Variants in FBXO47 observed in about 807,000 individuals in gnomAD.
FBXO47 encodes the protein F-box only protein 47.
In FBXO47, 34 loss-of-function variants were observed where a neutral mutation model predicts 53.9. The observed-to-expected ratio is 0.63, with a 90% CI of 0.48 to 0.84. The LOEUF (loss-of-function observed/expected upper bound fraction) is 0.84. Ranked by LOEUF, FBXO47 falls within the 40% of genes least tolerant of loss-of-function variation. The pLI, the probability that FBXO47 is intolerant of heterozygous loss-of-function variation, is 0.00. For synonymous variants in FBXO47, 165 were observed against 181.6 expected (o/e 0.91, Z 0.73); for missense variants, 485 against 541.3 (o/e 0.90, Z 1.03).
chr17:38,946,299 T>TATATATAAATATATAAATATATATAA (rs1567716490), intron 6 of FBXO47, among the ~76,000 whole-genome samples: 1 of 50,128 alleles, frequency 2.0e-5, no homozygotes, highest in Non-Finnish European at 3.9e-5. Flanking sequence ...TATATAAAAA[T>TATATATAAATATATAAATATATATAA]ATATATAAAT....
chr17:38,966,793 A>C (rs1419848330), intron 1 of FBXO47, among the ~76,000 whole-genome samples: 2 of 152,172 alleles, frequency 1.3e-5, no homozygotes, highest in Non-Finnish European at 2.9e-5. Flanking sequence ...GGAAAAAGCA[A>C]GCTTTTGTGA....
chr17:38,945,948 A>AATAT (rs1555560609), intron 6 of FBXO47, among the ~76,000 whole-genome samples: 19 of 117,144 alleles, frequency 1.6e-4, no homozygotes, highest in East Asian at 2.5e-4. Flanking sequence ...AAAAAAAAAA[A>AATAT]ATATATATAT....
chr17:38,965,143 C>G (rs1005082069), intron 1 of FBXO47, among the ~76,000 whole-genome samples: 4 of 152,224 alleles, frequency 2.6e-5, no homozygotes, highest in African/African-American at 9.6e-5. Flanking sequence ...AGCCACCACG[C>G]CCGCCCATTA....
At chr17:38,957,145 G>A (rs987166448) in intron 4 of FBXO47, 32 bp downstream of exon 4, 2 of 1,353,992 alleles carry the variant, frequency 1.5e-6, no homozygotes, top group African/African-American at 2.9e-5. Flanking sequence ...TGGAAATCAA[G>A]ATTGTAAACT....
chr17:38,955,826 C>T (rs755346001), intron 4 of FBXO47, among the ~76,000 whole-genome samples: 3 of 151,826 alleles, frequency 2.0e-5, no homozygotes, highest in Middle Eastern at 3.4e-3. Flanking sequence ...GGCGTGGTGG[C>T]GCACGCCTGT....
intron 6 of FBXO47, among the ~76,000 whole-genome samples, chr17:38,950,253 T>C (rs1207631770): frequency 6.6e-6 from 1 of 152,046 alleles, no homozygotes; most frequent in African/African-American, 2.4e-5. Context: ...AGGTATCTCA[T>C]GTAAGTAGAA....
Position 38,962,834 on chromosome 17 carries a change from C to T in FBXO47, c.181+11G>A. The T allele has an allele frequency of 2.5e-6, 4 of 1,600,484 alleles. No individual in the cohort carries two copies. Among genetic ancestry groups the T allele is most frequent in the Non-Finnish European group, 3.4e-6 (4 of 1,171,384 alleles). ...TCTTGTGTAGGCTATTCATAAGTTC[C>T]CAAACCTCACCTGACAAATATTTTA... On this transcript the variant is annotated intron_variant, in intron 2 of 10. Transcript: ENST00000378079.
chr17:38,945,900 C>CA (rs1460546949), intron 6 of FBXO47, among the ~76,000 whole-genome samples: 1 of 137,760 alleles, frequency 7.3e-6, no homozygotes, highest in African/African-American at 2.8e-5. Flanking sequence ...CGTGCCACTG[C>CA]ACTCCAGCCT....
chr17:38,945,641 A>C (rs1407634496), intron 6 of FBXO47, among the ~76,000 whole-genome samples: 4 of 151,982 alleles, frequency 2.6e-5, no homozygotes, highest in Admixed American at 2.6e-4. Flanking sequence ...TCTACTAAAA[A>C]TACAAAAAAA....
In FBXO47 at chr17:38,955,324, C is replaced by G. The variant is rs151098643; in HGVS notation, c.430-391G>C. ...AATGGCATGAACCCAGGAGGCGGAGCTGGCAGTGAGTCGAGACCGTGCCAT... is the reference window on the plus strand; with the variant it reads ...AATGGCATGAACCCAGGAGGCGGAGGTGGCAGTGAGTCGAGACCGTGCCAT... On this transcript the variant is annotated intron_variant, in intron 4 of 10. Transcript: ENST00000378079. 2.1e-3 allele frequency among the ~76,000 whole-genome samples: 311 copies of G among 149,114 alleles called. 1 individual carries two copies. Among genetic ancestry groups the G allele is most frequent in the African/African-American group, 7.3e-3 (294 of 40,540 alleles).
intron 1 of FBXO47, among the ~76,000 whole-genome samples, chr17:38,964,925 C>G (rs757888765): frequency 2.0e-5 from 3 of 152,112 alleles, no homozygotes; most frequent in Non-Finnish European, 4.4e-5. Context: ...TCAAGTGATT[C>G]TCCTGCCTCA....
intron 4 of FBXO47, among the ~76,000 whole-genome samples, chr17:38,956,535 C>G (rs1025814362): frequency 1.3e-5 from 2 of 151,190 alleles, no homozygotes; most frequent in African/African-American, 4.9e-5. Flanking sequence ...TTGCAGTGAG[C>G]CAAGATCATG....
At chr17:38,965,733 A>AAAAAAAAAAG (rs1906077145) in intron 1 of FBXO47, among the ~76,000 whole-genome samples, 1 of 140,840 alleles carries the variant, frequency 7.1e-6, no homozygotes, top group Non-Finnish European at 1.6e-5. Context: ...AAAAAAAAAA[A>AAAAAAAAAAG]TTAGCCGGGC....
In FBXO47 at chr17:38,957,183, G is replaced by A. The variant is rs1283971801; in HGVS notation, c.423C>T (p.Leu141=). ...KERLKYIHKI[L]TEVSCFKFNG... is the part of the protein sequence containing the mutation. Reference sequence around the variant, plus strand: ...TTTAGAAGTATGATCTTACTTCTGTGAGTATCTTGTGAATGTATTTTAGCC... The same window carrying A: ...TTTAGAAGTATGATCTTACTTCTGTAAGTATCTTGTGAATGTATTTTAGCC... Residue 141 remains leucine (L), a synonymous_variant, in exon 4 of 11, where the codon CTC becomes CTT. Transcript: ENST00000378079. 6.3e-7 allele frequency: 1 copy of A among 1,594,588 alleles called. No individual in the cohort carries two copies. Among genetic ancestry groups the A allele is most frequent in the Non-Finnish European group, 8.6e-7 (1 of 1,163,110 alleles).
chr17:38,941,620 T>TTATA (rs3040090), intron 9 of FBXO47, among the ~76,000 whole-genome samples: 17,458 of 114,914 alleles, frequency 0.15, 1,482 homozygotes, highest in African/African-American at 0.23. Flanking sequence ...AAATATAATA[T>TTATA]TATATATATA....
intron 5 of FBXO47, among the ~76,000 whole-genome samples, chr17:38,952,942 C>G (rs1905370640): frequency 1.3e-5 from 2 of 150,078 alleles, no homozygotes; most frequent in Admixed American, 6.8e-5. Context: ...GTGTGAGCAA[C>G]TACGCCTGGC....
At chr17:38,959,524 G>A (rs770395844) in intron 3 of FBXO47, among the ~76,000 whole-genome samples, 3 of 145,684 alleles carry the variant, frequency 2.1e-5, no homozygotes, top group Non-Finnish European at 4.5e-5. Flanking sequence ...AGGTTGCAGT[G>A]AGCCGAGGCT....
In FBXO47 at chr17:38,937,242, A is replaced by G. The variant is rs998307713; in HGVS notation, c.1292T>C (p.Val431Ala). 4 of 1,610,830 alleles carry G rather than the reference A, an allele frequency of 2.5e-6. No homozygotes were observed. In the Admixed American group the frequency reaches 5.0e-5, roughly 20 times the overall value. Residue 431 changes from valine to alanine, a missense_variant, in exon 11 of 11, where the codon GTA becomes GCA. Coordinates refer to ENST00000378079, the MANE Select transcript of FBXO47 (RefSeq NM_001008777.3). ...CTTATGGAAGTTAGCCTGAGCATGT[A>G]CAAGATGGAACAAATTCAAAAAGCT... ...DRSFLNLFHL[V>A]HAQANFHKEV...
chr17:38,942,534 C>T lies in FBXO47; in HGVS notation c.1083+244G>A, dbSNP rs140558285. On this transcript the variant is annotated intron_variant, in intron 9 of 10. Transcript: ENST00000378079. ...GCTTGAACATGGGAGGTGGAAGTTG[C>T]GGTGAGCCGAGATCGCACCACTGCA... Among the ~76,000 whole-genome samples the T allele has an allele frequency of 2.3e-3, 350 of 152,176 alleles. 1 individual carries two copies. The highest frequency in any genetic ancestry group is 8.1e-3 in the African/African-American group (338 of 41,526).
Sources: allele counts gnomAD v4.1 joint callset (sites outside exome capture counted in the v4.1 genomes callset), GRCh38; gene constraint gnomAD v4.1.1; transcripts MANE v1.5; gene names NCBI Gene and HGNC (gene_info 2026-07-23, HGNC 2026-07-21).